Variants in BCAS3 observed in about 807,000 individuals in gnomAD.
BCAS3 encodes the protein BCAS3 microtubule associated cell migration factor, also known as BCAS4/BCAS3 fusion.
Under a neutral mutation model 116.1 loss-of-function variants are expected in BCAS3, and 53 were observed. The observed-to-expected ratio is 0.46, with a 90% CI of 0.37 to 0.57. The LOEUF (loss-of-function observed/expected upper bound fraction) is 0.57. Among genes scored for constraint, BCAS3 ranks in the 20% least tolerant of loss-of-function variants. The pLI is 0.00. For synonymous variants in BCAS3, 391 were observed against 408.2 expected (o/e 0.96, Z 0.51); for missense variants, 917 against 1,165.4 (o/e 0.79, Z 3.10).
At chr17:60,823,994 G>C (rs1568328146) in intron 7 of BCAS3, among the ~76,000 whole-genome samples, 1 of 152,012 alleles carries the variant, frequency 6.6e-6, no homozygotes, top group Non-Finnish European at 1.5e-5. Context: ...ATGACTCCCT[G>C]GCACTCTTTC....
chr17:60,708,995 A>C (rs1173552864), intron 4 of BCAS3, among the ~76,000 whole-genome samples: 1 of 152,128 alleles, frequency 6.6e-6, no homozygotes, highest in African/African-American at 2.4e-5. Flanking sequence ...TATTATTTAA[A>C]TGGTGTGGCT....
chr17:60,765,254 G>C (rs779485876), intron 6 of BCAS3, among the ~76,000 whole-genome samples: 6 of 152,222 alleles, frequency 3.9e-5, no homozygotes, highest in African/African-American at 1.2e-4. Flanking sequence ...TAGTTATTTT[G>C]CCCATTAGTT....
intron 22 of BCAS3, among the ~76,000 whole-genome samples, chr17:61,114,193 C>T (rs900280774): frequency 7.6e-6 from 1 of 132,330 alleles, no homozygotes; most frequent in Non-Finnish European, 1.6e-5. Context: ...CAGGGATGCC[C>T]TCTCTCACCA....
Position 60,987,953 on chromosome 17 carries a change from C to A in BCAS3, c.1222-2018C>A, listed in dbSNP as rs528493865. On this transcript the variant is annotated intron_variant, in intron 14 of 23. Transcript: ENST00000407086. ...TTTTCCCTGTTCAGTAAGATACTAGCTGTGGGTCCATTGTACATGGCTTTT... is the reference window on the plus strand; with the variant it reads ...TTTTCCCTGTTCAGTAAGATACTAGATGTGGGTCCATTGTACATGGCTTTT... 3.9e-5 allele frequency among the ~76,000 whole-genome samples: 6 copies of A among 152,204 alleles called. 1 individual carries two copies. In the South Asian group the frequency reaches 1.2e-3, roughly 32 times the overall value.
rs1265298065 is a variant in BCAS3, at chr17:61,228,321, C to G, written c.2426-140006C>G. 6.6e-6 allele frequency among the ~76,000 whole-genome samples: 1 copy of G among 151,362 alleles called. No individual in the cohort carries two copies. The highest frequency in any genetic ancestry group is 1.5e-5 in the Non-Finnish European group (1 of 68,010). On this transcript the variant is annotated intron_variant, in intron 22 of 23. Coordinates refer to ENST00000407086, the MANE Select transcript of BCAS3 (RefSeq NM_017679.5). The surrounding 1 kb of genome is among the most constrained non-coding windows in gnomAD (Gnocchi z 5.0). Reference sequence around the variant, plus strand: ...TCTATTACCAGAAAAGTTGCCTTACCAGGAAACCGTAATTTATAGTGTATT... The same window carrying G: ...TCTATTACCAGAAAAGTTGCCTTACGAGGAAACCGTAATTTATAGTGTATT...
At chr17:60,702,866 C>T (rs1246315531) in intron 4 of BCAS3, among the ~76,000 whole-genome samples, 1 of 151,750 alleles carries the variant, frequency 6.6e-6, no homozygotes, top group African/African-American at 2.4e-5. Context: ...GCTGAGATTA[C>T]AGGCGTGAGC....
At chr17:61,014,346 G>GA (rs1254586235) in intron 15 of BCAS3, among the ~76,000 whole-genome samples, 2 of 152,032 alleles carry the variant, frequency 1.3e-5, no homozygotes, top group Non-Finnish European at 2.9e-5. Flanking sequence ...CAGTAATTGA[G>GA]AAAATGTGGT....
At chr17:61,076,358 G>C (rs1201423246) in intron 20 of BCAS3, among the ~76,000 whole-genome samples, 1 of 152,140 alleles carries the variant, frequency 6.6e-6, no homozygotes, top group African/African-American at 2.4e-5. Context: ...AAAATCAAAA[G>C]TAAAGTAAAC....
Position 61,235,062 on chromosome 17 carries a change from A to G in BCAS3, c.2426-133265A>G, listed in dbSNP as rs557373475. On this transcript the variant is annotated intron_variant, in intron 22 of 23. Transcript: ENST00000407086. This position sits in a 1 kb window ranked among gnomAD's most constrained non-coding sequence, Gnocchi z 5.0. Reference sequence around the variant, plus strand: ...GCCACCACTCCTGGCTAAGTTTTGTATTTTAGTAGAGACAGGGTTTCACCA... The same window carrying G: ...GCCACCACTCCTGGCTAAGTTTTGTGTTTTAGTAGAGACAGGGTTTCACCA... Among the ~76,000 whole-genome samples the G allele has an allele frequency of 6.6e-6, 1 of 151,994 alleles. No individual in the cohort carries two copies. The highest frequency in any genetic ancestry group is 1.5e-5 in the Non-Finnish European group (1 of 67,958).
chr17:60,999,558 A>C (rs1319018728), intron 15 of BCAS3, among the ~76,000 whole-genome samples: 1 of 149,974 alleles, frequency 6.7e-6, no homozygotes, highest in Non-Finnish European at 1.5e-5. Context: ...AAAAAAAAAA[A>C]AAAAAAGAAA....
intron 7 of BCAS3, among the ~76,000 whole-genome samples, chr17:60,830,939 T>A (rs976853345): frequency 5.9e-5 from 9 of 152,054 alleles, no homozygotes; most frequent in Admixed American, 3.9e-4. Context: ...TGGTACAGTC[T>A]TGGCTCACTG....
At chr17:60,797,628 C>T (rs2144572358) in intron 6 of BCAS3, among the ~76,000 whole-genome samples, 1 of 152,076 alleles carries the variant, frequency 6.6e-6, no homozygotes, top group Admixed American at 6.5e-5. Flanking sequence ...TGGTTTGCTG[C>T]ACCTGTCAAC....
chr17:60,684,059 G>A (rs1030714932), intron 3 of BCAS3, 23 bp downstream of exon 3: 11 of 1,609,870 alleles, frequency 6.8e-6, no homozygotes, highest in African/African-American at 4.0e-5. Flanking sequence ...ATGTGCTTTC[G>A]CCTTTCCCTT....
chr17:61,012,401 TC>T lies in BCAS3; in HGVS notation c.1487-3348del, dbSNP rs1330813284. 6.6e-6 allele frequency among the ~76,000 whole-genome samples: 1 copy of T among 152,042 alleles called. No individual in the cohort carries two copies. ...ACCTTGATTTTATCCTATCAGCAGT[TC>T]CTTTGCTTATGGCTTACAATCTGAC... On this transcript the variant is annotated intron_variant, in intron 15 of 23. Transcript: ENST00000407086. The surrounding 1 kb of genome is among the most constrained non-coding windows in gnomAD (Gnocchi z 4.5).
intron 4 of BCAS3, among the ~76,000 whole-genome samples, chr17:60,708,576 G>C (rs553787654): frequency 3.9e-5 from 6 of 152,156 alleles, no homozygotes; most frequent in African/African-American, 1.4e-4. Flanking sequence ...TGTCACCCAG[G>C]CTAGAGTGCA....
At chr17:61,218,814 T>C (rs1954657630) in intron 22 of BCAS3, among the ~76,000 whole-genome samples, 1 of 152,204 alleles carries the variant, frequency 6.6e-6, no homozygotes, top group South Asian at 2.1e-4. Context: ...TGTACCAGTT[T>C]AATTATCATT....
chr17:60,810,309 G>A (rs2048682225), intron 7 of BCAS3: 5 of 450,276 alleles, frequency 1.1e-5, no homozygotes, highest in Non-Finnish European at 1.7e-5. Context: ...GGATCTCCGT[G>A]TCCCACTCCA....
chr17:60,810,880 GC>G, intron 7 of BCAS3: 1 of 703,292 alleles, frequency 1.4e-6, no homozygotes, highest in Admixed American at 1.8e-5. Context: ...GGAGGTAGAT[GC>G]CCCCAAATCT....
chr17:60,792,385 G>T (rs2046854061), intron 6 of BCAS3, among the ~76,000 whole-genome samples: 1 of 152,158 alleles, frequency 6.6e-6, no homozygotes, highest in Non-Finnish European at 1.5e-5. Flanking sequence ...TGAACCCCCC[G>T]CTCGCTTGCT....
Sources: allele counts gnomAD v4.1 joint callset (sites outside exome capture counted in the v4.1 genomes callset), GRCh38; gene constraint gnomAD v4.1.1; non-coding constraint Gnocchi (gnomAD v3.1); transcripts MANE v1.5; gene names NCBI Gene and HGNC (gene_info 2026-07-23, HGNC 2026-07-21).